CSMD1: variants seen among roughly 807,000 people sequenced by gnomAD.
CSMD1 encodes the protein CUB and sushi domain-containing protein 1.
CSMD1 carries 213 observed loss-of-function variants against 417.5 expected under a neutral mutation model. That is an observed-to-expected ratio of 0.51 (90% CI 0.46 to 0.57). CSMD1 has a LOEUF of 0.57. Among genes scored for constraint, CSMD1 ranks in the 20% least tolerant of loss-of-function variants. CSMD1 has a pLI of 0.00. For synonymous variants in CSMD1, 2,862 were observed against 1,736.8 expected, an observed-to-expected ratio of 1.65 and a Z score of -16.11; for missense variants, 6,923 against 4,529.7, an observed-to-expected ratio of 1.53 and a Z score of -15.17.
intron 1 of CSMD1, among the ~76,000 whole-genome samples, chr8:4,757,372 T>C (rs901184721): frequency 6.6e-6 from 1 of 152,200 alleles, no homozygotes; most frequent in African/African-American, 2.4e-5. Flanking sequence ...GTCTTTAAGA[T>C]GATTCAATAT....
In CSMD1 at chr8:4,930,239, G is replaced by A. The variant is rs114441926; in HGVS notation, c.85+64093C>T. Among the ~76,000 whole-genome samples the A allele has an allele frequency of 4.8e-3, 726 of 152,198 alleles. 8 individuals are homozygous for A. The highest frequency in any genetic ancestry group is 0.016 in the African/African-American group (684 of 41,514). On this transcript the variant is annotated intron_variant, in intron 1 of 69. Transcript: ENST00000635120. Reference sequence around the variant, plus strand: ...TGTCCTTTCACATATTAGGCATCTCGTGCTAACTAATCACACAAATATTAA... The same window carrying A: ...TGTCCTTTCACATATTAGGCATCTCATGCTAACTAATCACACAAATATTAA...
At chr8:3,135,642 C>T (rs1398808766) in intron 41 of CSMD1, among the ~76,000 whole-genome samples, 1 of 150,048 alleles carries the variant, frequency 6.7e-6, no homozygotes, top group African/African-American at 2.5e-5. Context: ...GTCTGCTGAT[C>T]ACATTTCTGA....
intron 8 of CSMD1, among the ~76,000 whole-genome samples, chr8:3,610,213 C>T (rs1801822348): frequency 6.6e-6 from 1 of 152,178 alleles, no homozygotes; most frequent in African/African-American, 2.4e-5. Context: ...GTTTTACTAT[C>T]CCATGGAACA....
At chr8:3,638,442 C>CA (rs112968543) in intron 7 of CSMD1, among the ~76,000 whole-genome samples, 3,287 of 141,392 alleles carry the variant, frequency 0.023, 47 homozygotes, top group Middle Eastern at 0.075. Flanking sequence ...TGCACCCCTC[C>CA]AAAAAAAAAA....
chr8:4,318,236 T>C (rs2128882493), intron 3 of CSMD1, among the ~76,000 whole-genome samples: 1 of 152,264 alleles, frequency 6.6e-6, no homozygotes, highest in South Asian at 2.1e-4. Flanking sequence ...TTTTTGTCAC[T>C]GTAGAAAGAA....
chr8:4,210,902 G>A (rs1039235826), intron 3 of CSMD1, among the ~76,000 whole-genome samples: 3 of 152,062 alleles, frequency 2.0e-5, no homozygotes, highest in African/African-American at 7.2e-5. Flanking sequence ...TTTTCTATAA[G>A]AAATGGTTGA....
Position 3,629,169 on chromosome 8 carries a change from C to T in CSMD1, c.1010-12372G>A, listed in dbSNP as rs114444038. ...GAAAGAACCCGGGATGTTCGCAGGA[C>T]GCAGGGGAACTTGCTTGTAAAGGGG... On this transcript the variant is annotated intron_variant, in intron 7 of 69. Coordinates refer to ENST00000635120, the MANE Select transcript of CSMD1 (RefSeq NM_033225.6). Among the ~76,000 whole-genome samples, 1,133 of 152,046 alleles carry T rather than the reference C, an allele frequency of 7.5e-3. 13 individuals carry two copies. Among genetic ancestry groups the T allele is most frequent in the African/African-American group, 0.026 (1,083 of 41,462 alleles).
chr8:3,280,123 T>A (rs1209620702), intron 26 of CSMD1, among the ~76,000 whole-genome samples: 1 of 152,090 alleles, frequency 6.6e-6, no homozygotes, highest in Non-Finnish European at 1.5e-5. Context: ...CATGCCCTCC[T>A]GCCCCATCTC....
chr8:2,951,267 C>T lies in CSMD1; in HGVS notation c.10048G>A (p.Asp3350Asn). The change falls in exon 66 of 70, where the codon GAT becomes AAT. Residue 3350 changes from aspartate to asparagine, a missense_variant. Coordinates refer to ENST00000635120, the MANE Select transcript of CSMD1 (RefSeq NM_033225.6). The part of the protein sequence containing the change: ...ETVTKTPVPS[D>N]VFFVNSLWKG... The stretch of plus-strand genomic sequence containing the variant: ...CACAGTGAATTGACGAAAAAGACAT[C>T]TGAAGGAACTGTGGGAAGGGGGGAA... The T allele has an allele frequency of 6.2e-7, 1 of 1,602,728 alleles. No homozygotes were observed. The highest frequency in any genetic ancestry group is 1.1e-5 in the South Asian group (1 of 89,320).
intron 7 of CSMD1, among the ~76,000 whole-genome samples, chr8:3,648,835 T>C (rs1797705862): frequency 3.3e-5 from 5 of 152,210 alleles, no homozygotes; most frequent in Non-Finnish European, 5.9e-5. Context: ...CTCTTTACTG[T>C]CTTATGTTAT....
At chr8:3,202,650 C>A (rs66583310) in intron 31 of CSMD1, among the ~76,000 whole-genome samples, 40,227 of 152,008 alleles carry the variant, frequency 0.26, 6,040 homozygotes, top group African/African-American at 0.4. Flanking sequence ...CCATTATAAA[C>A]AAGAAATGGA....
intron 5 of CSMD1, among the ~76,000 whole-genome samples, chr8:3,889,527 A>G (rs1312363106): frequency 1.6e-5 from 2 of 123,650 alleles, no homozygotes; most frequent in Non-Finnish European, 3.5e-5. Context: ...ATATACATAT[A>G]TATACATACA....
intron 5 of CSMD1, among the ~76,000 whole-genome samples, chr8:3,908,700 C>G (rs932676446): frequency 6.6e-6 from 1 of 152,108 alleles, no homozygotes; most frequent in South Asian, 2.1e-4. Flanking sequence ...GTGAAGCAAT[C>G]GCTTAATAGC....
At chr8:4,939,610 G>A (rs536952246) in intron 1 of CSMD1, among the ~76,000 whole-genome samples, 2 of 151,084 alleles carry the variant, frequency 1.3e-5, no homozygotes, top group East Asian at 2.0e-4. Context: ...CAATGAAGCC[G>A]AGAGTAGAAC....
chr8:4,268,171 T>C (rs1804338748), intron 3 of CSMD1, among the ~76,000 whole-genome samples: 2 of 152,154 alleles, frequency 1.3e-5, no homozygotes, highest in African/African-American at 4.8e-5. Context: ...AACAACTTAA[T>C]TTGGACTCTG....
At chr8:4,525,591 T>C (rs1257388410) in intron 2 of CSMD1, among the ~76,000 whole-genome samples, 1 of 152,202 alleles carries the variant, frequency 6.6e-6, no homozygotes, top group Non-Finnish European at 1.5e-5. Context: ...TTATCTGGTT[T>C]ATACATGAAG....
chr8:4,599,702 T>G (rs1800482861), intron 2 of CSMD1, among the ~76,000 whole-genome samples: 1 of 152,214 alleles, frequency 6.6e-6, no homozygotes, highest in Admixed American at 6.5e-5. Flanking sequence ...GCCCAGGTGA[T>G]AGCCAGTCAT....
intron 5 of CSMD1, among the ~76,000 whole-genome samples, chr8:3,885,806 C>A (rs1013521138): frequency 1.3e-5 from 2 of 152,112 alleles, no homozygotes; most frequent in Non-Finnish European, 2.9e-5. Flanking sequence ...CTTAAACAAT[C>A]AGTTCTAGAA....
At chr8:3,812,981 G>A (rs1449353387) in intron 5 of CSMD1, among the ~76,000 whole-genome samples, 2 of 152,074 alleles carry the variant, frequency 1.3e-5, no homozygotes, top group Non-Finnish European at 2.9e-5. Flanking sequence ...AATTTCTTGG[G>A]AGGAAATCTG....
Sources: allele counts gnomAD v4.1 joint callset (sites outside exome capture counted in the v4.1 genomes callset), GRCh38; gene constraint gnomAD v4.1.1; transcripts MANE v1.5; gene names NCBI Gene and HGNC (gene_info 2026-07-23, HGNC 2026-07-21).